Variants in GP2 observed in about 807,000 individuals in gnomAD.
The protein encoded by GP2 is pancreatic secretory granule membrane major glycoprotein GP2.
A neutral mutation model predicts 60.8 loss-of-function variants in GP2; 58 were observed. The observed-to-expected ratio is 0.95, with a 90% CI of 0.77 to 1.19. The LOEUF (loss-of-function observed/expected upper bound fraction) is 1.19, where lower values mean the gene tolerates loss of function less well. Among genes scored for constraint, GP2 ranks in the 50% most tolerant of loss-of-function variants. GP2 has a pLI of 0.00. For synonymous variants in GP2, 280 were observed against 253.4 expected (o/e 1.10, Z -1.00); for missense variants, 647 against 667.4 (o/e 0.97, Z 0.34).
chr16:20,323,619 C>T (rs1888723254), intron 3 of GP2, 197 bp downstream of exon 3: 2 of 597,704 alleles, frequency 3.3e-6, no homozygotes, highest in Non-Finnish European at 6.0e-6. Context: ...TGGGAAATTT[C>T]ACCCTTGAAT....
chr16:20,322,808 G>A (rs972350586), intron 4 of GP2, 61 bp downstream of exon 4: 3 of 906,210 alleles, frequency 3.3e-6, no homozygotes, highest in Non-Finnish European at 5.5e-6. Context: ...ACCCTCTAAA[G>A]CTCCCTCCCT....
At chr16:20,327,335 T>C (rs1964562897) in intron 1 of GP2, 132 bp downstream of exon 1, 1 of 486,634 alleles carries the variant, frequency 2.1e-6, no homozygotes, top group Non-Finnish European at 3.4e-6. Context: ...CTGGAGCACT[T>C]GACAATGGCC....
intron 4 of GP2, among the ~76,000 whole-genome samples, chr16:20,321,754 G>A (rs1964363261): frequency 6.6e-6 from 1 of 152,188 alleles, no homozygotes; most frequent in Admixed American, 6.5e-5. Context: ...GTGGGAGAAG[G>A]AGATGGAAGT....
Position 20,324,211 on chromosome 16 carries a change from T to TC in GP2, c.139dup (p.Asp47GlyfsTer15). On this transcript the variant is annotated frameshift_variant, in exon 3 of 11. Coordinates refer to ENST00000302555, the MANE Select transcript of GP2 (RefSeq NM_001502.4). LOFTEE classifies it high-confidence loss of function. ...CTCTGGGGTGCCAGGAGCTCCGCAGTCCAGGTCCAGCCCATACGAACTGGC... is the reference window on the plus strand; with the variant it reads ...CTCTGGGGTGCCAGGAGCTCCGCAGTCCCAGGTCCAGCCCATACGAACTGGC... 6.2e-7 allele frequency: 1 copy of TC among 1,613,358 alleles called. No individual in the cohort carries two copies. Among genetic ancestry groups the TC allele is most frequent in the Non-Finnish European group, 8.5e-7 (1 of 1,179,316 alleles).
In GP2 at chr16:20,315,968, T is replaced by G; in HGVS notation, c.1489A>C (p.Ile497Leu). The part of the protein sequence containing the change: ...DLARVLDLGP[I>L]TRRGAQSPGV... Reference sequence around the variant, plus strand: ...TTTGGCCACTTACCTCTCCGAGTGATGGGCCCCAAATCTAGAACCCGGGCT... The same window carrying G: ...TTTGGCCACTTACCTCTCCGAGTGAGGGGCCCCAAATCTAGAACCCGGGCT... Residue 497 changes from isoleucine (I) to leucine (L), a missense_variant, in exon 9 of 11, where the codon ATC becomes CTC. Physicochemically the swap from Ile to Leu is conservative, Grantham distance 5. Transcript: ENST00000302555. 1 of 1,610,518 alleles carries G rather than the reference T, an allele frequency of 6.2e-7. No homozygotes were observed. The highest frequency in any genetic ancestry group is 1.1e-5 in the South Asian group (1 of 90,990).
chr16:20,316,145 T>C lies in GP2; in HGVS notation c.1417-105A>G. 1.0e-5 allele frequency: 7 copies of C among 700,744 alleles called. No individual in the cohort carries two copies. In the South Asian group the frequency reaches 1.1e-4, roughly 11 times the overall value. The allele number at this position is 700,744 out of a possible 1,614,324, so 43.4% of individuals were successfully genotyped here. A position where few individuals can be genotyped will look rare whatever the true frequency, so the allele number is the denominator to read the frequency against. ...CTGGACCAAGAACTGTGTCCAGAAC[T>C]GGTTCACGCTATGGCCCTAATTCCG... On this transcript the variant is annotated intron_variant, in intron 8 of 10. Coordinates refer to ENST00000302555, the MANE Select transcript of GP2 (RefSeq NM_001502.4).
chr16:20,323,764 G>T, intron 3 of GP2, 52 bp downstream of exon 3: 2 of 1,208,556 alleles, frequency 1.7e-6, no homozygotes, highest in Non-Finnish European at 2.4e-6. Flanking sequence ...ACTGAGCCTG[G>T]GAGGCATCTC....
At position 20,317,270 on chromosome 16, in the gene GP2, T is replaced by TA; in HGVS notation, c.1358dup (p.Val454SerfsTer6). The TA allele has an allele frequency of 6.2e-7, 1 of 1,613,312 alleles. No homozygotes were observed. Among genetic ancestry groups the TA allele is most frequent in the Non-Finnish European group, 8.5e-7 (1 of 1,179,256 alleles). ...GATGAATCTCACAATGCAGGAAAACTAGGTCATAATGTCCAGCAAACATGA... is the reference window on the plus strand; with the variant it reads ...GATGAATCTCACAATGCAGGAAAACTAAGGTCATAATGTCCAGCAAACATGA... On this transcript the variant is annotated frameshift_variant, in exon 8 of 11. Transcript: ENST00000302555. LOFTEE classifies it high-confidence loss of function.
chr16:20,312,391 C>T (rs1964016140), intron 10 of GP2, among the ~76,000 whole-genome samples: 1 of 152,124 alleles, frequency 6.6e-6, no homozygotes, highest in African/African-American at 2.4e-5. Flanking sequence ...ATTATAAAAA[C>T]AGGTTGATGT....
At chr16:20,316,092 A>C (rs1241565336) in intron 8 of GP2, 52 bp from the exon 9 acceptor site, 4 of 1,161,212 alleles carry the variant, frequency 3.4e-6, no homozygotes, top group Admixed American at 3.4e-5. Flanking sequence ...CCTGGATTCT[A>C]TCTAGACTGC....
intron 10 of GP2, among the ~76,000 whole-genome samples, chr16:20,313,431 G>T (rs1386952191): frequency 6.6e-6 from 1 of 152,030 alleles, no homozygotes; most frequent in African/African-American, 2.4e-5. Context: ...TACTCTTTCT[G>T]TACTATCTAC....
At chr16:20,315,323 A>AT (rs1411574492) in intron 9 of GP2, among the ~76,000 whole-genome samples, 1 of 152,222 alleles carries the variant, frequency 6.6e-6, no homozygotes, top group East Asian at 1.9e-4. Context: ...GGGAAAAAAA[A>AT]GGCTTTCATT....
chr16:20,319,740 T>G lies in GP2; in HGVS notation c.887A>C (p.Asn296Thr), dbSNP rs1458211463. ...GAAATCATTGACCAAGGAGAGGGTG[T>G]TTTTGTAGATGGCATGGGTTTGATT... ...ERNQTHAIYK[N>T]TLSLVNDFII... Residue 296 changes from asparagine to threonine, a missense_variant, in exon 6 of 11, where the codon AAC (asparagine) becomes ACC (threonine). Transcript: ENST00000302555. The G allele has an allele frequency of 6.2e-7, 1 of 1,612,860 alleles. No homozygotes were observed. The highest frequency in any genetic ancestry group is 1.7e-5 in the Admixed American group (1 of 60,016).
intron 3 of GP2, 87 bp from the exon 4 acceptor site, chr16:20,323,066 G>A (rs1023522306): frequency 2.8e-6 from 2 of 719,532 alleles, no homozygotes; most frequent in Non-Finnish European, 4.9e-6. Flanking sequence ...CATTTCACCG[G>A]GGCACAAGAA....
rs1228958567 is a variant in GP2, at chr16:20,327,492, TC to T, written c.-63del. 2.7e-5 allele frequency: 35 copies of T among 1,288,820 alleles called. No homozygotes were observed. Among genetic ancestry groups the T allele is most frequent in the Non-Finnish European group, 3.4e-5 (34 of 988,524 alleles). The allele number at this position is 1,288,820 out of a possible 1,614,324, so 79.8% of individuals were successfully genotyped here. A position where few individuals can be genotyped will look rare whatever the true frequency, so the allele number is the denominator to read the frequency against. On this transcript the variant is annotated 5_prime_UTR_variant, in exon 1 of 11. The change abolishes the stop of an existing upstream ORF in the 5' untranslated region. Transcript: ENST00000302555. The stretch of plus-strand genomic sequence containing the variant: ...CTCCGATGAGAACACAAAGCGTTCC[TC>T]CTCTGGCCAGCCATGGGAATGCAGC...
Position 20,310,897 on chromosome 16 carries a change from C to A in GP2, c.*326G>T, listed in dbSNP as rs1596515025. 1 of 213,992 alleles carries A rather than the reference C, an allele frequency of 4.7e-6. No individual in the cohort carries two copies. The highest frequency in any genetic ancestry group is 1.3e-4 in the East Asian group (1 of 7,664). The allele number at this position is 213,992 out of a possible 1,614,324, so 13.3% of individuals were successfully genotyped here. ...TTGGCCTCCCGAGTAGCTGGGATTACAGGCGCCTGCCACCATGCCTGGCTA... is the reference window on the plus strand; with the variant it reads ...TTGGCCTCCCGAGTAGCTGGGATTAAAGGCGCCTGCCACCATGCCTGGCTA... On this transcript the variant is annotated 3_prime_UTR_variant, in exon 11 of 11. Transcript: ENST00000302555.
chr16:20,313,901 T>C (rs1383007139), intron 10 of GP2, among the ~76,000 whole-genome samples: 1 of 152,178 alleles, frequency 6.6e-6, no homozygotes, highest in Non-Finnish European at 1.5e-5. Flanking sequence ...ACCTCAAAGA[T>C]GGTGGAGGCA....
chr16:20,323,022 G>T, intron 3 of GP2, 43 bp from the exon 4 acceptor site: 1 of 1,169,238 alleles, frequency 8.6e-7, no homozygotes, highest in Non-Finnish European at 1.3e-6. Flanking sequence ...GATGCAGTGC[G>T]GGCTGGACTT....
At position 20,323,901 on chromosome 16, in the gene GP2, T is replaced by G. The variant is rs1396479258; in HGVS notation, c.450A>C (p.Thr150=). The change falls in exon 3 of 11, where the codon ACA becomes ACC. Residue 150 remains threonine (T), a synonymous_variant. Coordinates refer to ENST00000302555, the MANE Select transcript of GP2 (RefSeq NM_001502.4). ...HWSGNCCFWK[T]EVLVKACPGG... ...CTGGGCAGGCCTTCACCAGCACCTCTGTTTTCCAGAAACAGCAGTTGCCAC... is the reference window on the plus strand; with the variant it reads ...CTGGGCAGGCCTTCACCAGCACCTCGGTTTTCCAGAAACAGCAGTTGCCAC... The G allele has an allele frequency of 6.2e-7, 1 of 1,614,138 alleles. No homozygotes were observed. The highest frequency in any genetic ancestry group is 8.5e-7 in the Non-Finnish European group (1 of 1,179,970).
Sources: gnomAD v4.1 joint callset for allele counts (sites outside exome capture counted in the v4.1 genomes callset) on GRCh38, gnomAD v4.1.1 for gene constraint, MANE v1.5 for transcripts, NCBI Gene and HGNC (gene_info 2026-07-23, HGNC 2026-07-21) for gene names.